The following SNX29 variants were observed in gnomAD, a reference collection of about 807,000 sequenced individuals.
SNX29 encodes sorting nexin 29, also known as sorting nexin-29.
SNX29 carries 78 observed loss-of-function variants against 102.1 expected under a neutral mutation model. The ratio of observed to expected loss-of-function variants is 0.76; its 90% CI spans 0.64 to 0.92. The LOEUF is 0.92. Ranked by LOEUF, SNX29 falls within the 40% of genes least tolerant of loss-of-function variation. SNX29 has a pLI of 0.00. For missense variants in SNX29, 1,280 were observed against 1,061.7 expected (o/e 1.21, Z -2.86); for synonymous variants, 580 against 414.5 (o/e 1.40, Z -4.85).
chr16:12,337,749 C>T (rs2081495320), intron 15 of SNX29, among the ~76,000 whole-genome samples: 1 of 152,166 alleles, frequency 6.6e-6, no homozygotes. Flanking sequence ...GGCGTGGTTT[C>T]CCTGGCCGAG....
chr16:12,552,119 T>G (rs958274866), intron 20 of SNX29, among the ~76,000 whole-genome samples: 2 of 152,184 alleles, frequency 1.3e-5, no homozygotes, highest in African/African-American at 4.8e-5. Flanking sequence ...CCATGGCTGA[T>G]ACGGAAATGC....
At position 12,436,254 on chromosome 16, in the gene SNX29, A is replaced by G. The variant is rs374615998; in HGVS notation, c.2037+32725A>G. Among the ~76,000 whole-genome samples, 5 of 152,288 alleles carry G rather than the reference A, an allele frequency of 3.3e-5. No homozygotes were observed. The East Asian group carries it at 9.7e-4, about 29-fold the overall frequency. ...CGCCTCCTCCCTGGGCCCAGGCATC[A>G]GGCGCTGGCTCTCCACAGGAGGCCG... On this transcript the variant is annotated intron_variant, in intron 18 of 20. Transcript: ENST00000566228.
chr16:12,293,924 CTG>C (rs1316775636), intron 15 of SNX29, among the ~76,000 whole-genome samples: 2 of 152,200 alleles, frequency 1.3e-5, no homozygotes, highest in African/African-American at 4.8e-5. Context: ...TATAGCTACT[CTG>C]TGTGGCGGTA....
At position 12,328,263 on chromosome 16, in the gene SNX29, C is replaced by T. The variant is rs149886299; in HGVS notation, c.1783-27900C>T. Among the ~76,000 whole-genome samples the T allele has an allele frequency of 8.2e-3, 1,256 of 152,300 alleles. 20 individuals are homozygous for T. The highest frequency in any genetic ancestry group is 0.028 in the African/African-American group (1,152 of 41,578). On this transcript the variant is annotated intron_variant, in intron 15 of 20. Transcript: ENST00000566228. ...TACTACTGTTTGTATTACCCTCAGCCAGCGATGTTTCTAGCTTGTTGATAT... is the reference window on the plus strand; with the variant it reads ...TACTACTGTTTGTATTACCCTCAGCTAGCGATGTTTCTAGCTTGTTGATAT...
At chr16:12,140,529 G>T (rs2054833248) in intron 13 of SNX29, among the ~76,000 whole-genome samples, 1 of 152,328 alleles carries the variant, frequency 6.6e-6, no homozygotes, top group South Asian at 2.1e-4. Flanking sequence ...ATCAGATTGG[G>T]GGTGCATGCG....
At chr16:12,029,106 G>A (rs1203987881) in intron 4 of SNX29, among the ~76,000 whole-genome samples, 1 of 149,368 alleles carries the variant, frequency 6.7e-6, no homozygotes, top group East Asian at 1.9e-4. Flanking sequence ...ACAGATGTTT[G>A]CTTTTTTTTT....
chr16:12,470,168 C>A (rs2087266195), intron 18 of SNX29, among the ~76,000 whole-genome samples: 1 of 152,204 alleles, frequency 6.6e-6, no homozygotes, highest in South Asian at 2.1e-4. Flanking sequence ...TTGAATATTA[C>A]AACATGCAGA....
In SNX29 at chr16:12,570,641, A is replaced by T. The variant is rs975982119; in HGVS notation, c.*2012A>T. The T allele has an allele frequency of 1.9e-4, 44 of 231,832 alleles. No individual in the cohort carries two copies. The highest frequency in any genetic ancestry group is 9.3e-4 in the African/African-American group (42 of 45,226). The allele number at this position is 231,832 out of a possible 1,614,324, so 14.4% of individuals were successfully genotyped here. A position where few individuals can be genotyped will look rare whatever the true frequency, so the allele number is the denominator to read the frequency against. Reference sequence around the variant, plus strand: ...TCTGTTGGATAAAGGAACCTCCCCCATCTGTGACATTCCCTTGGGCCCAGG... The same window carrying T: ...TCTGTTGGATAAAGGAACCTCCCCCTTCTGTGACATTCCCTTGGGCCCAGG... On this transcript the variant is annotated 3_prime_UTR_variant, in exon 21 of 21. Transcript: ENST00000566228.
chr16:12,400,707 G>A (rs914465383), intron 17 of SNX29, among the ~76,000 whole-genome samples: 1 of 152,166 alleles, frequency 6.6e-6, no homozygotes, highest in Non-Finnish European at 1.5e-5. Flanking sequence ...ACAACTATTG[G>A]CATATATACA....
chr16:12,210,824 G>A (rs1436562021), intron 14 of SNX29, among the ~76,000 whole-genome samples: 1 of 151,110 alleles, frequency 6.6e-6, no homozygotes, highest in African/African-American at 2.4e-5. Context: ...GGTCTATTTT[G>A]TATTTGTTTG....
At chr16:12,079,743 T>C (rs1214549430) in intron 11 of SNX29, among the ~76,000 whole-genome samples, 1 of 152,206 alleles carries the variant, frequency 6.6e-6, no homozygotes, top group African/African-American at 2.4e-5. Context: ...CTGGGGCTGG[T>C]ATGTGGCTCC....
rs908566505 is a variant in SNX29, at chr16:12,572,770, A to G, written c.*4141A>G. The G allele has an allele frequency of 9.4e-7, 1 of 1,063,730 alleles. No homozygotes were observed. Among genetic ancestry groups the G allele is most frequent in the Non-Finnish European group, 1.1e-6 (1 of 878,252 alleles). The allele number at this position is 1,063,730 out of a possible 1,614,324, so 65.9% of individuals were successfully genotyped here. Reference sequence around the variant, plus strand: ...GTTTTCAGCTTCTGGGACCCGAGGAAGACCCCACCTCACTCCTCCTTCCCC... The same window carrying G: ...GTTTTCAGCTTCTGGGACCCGAGGAGGACCCCACCTCACTCCTCCTTCCCC... On this transcript the variant is annotated 3_prime_UTR_variant, in exon 21 of 21. Transcript: ENST00000566228.
intron 20 of SNX29, among the ~76,000 whole-genome samples, chr16:12,547,495 T>G (rs879544078): frequency 6.6e-6 from 1 of 152,088 alleles, no homozygotes; most frequent in African/African-American, 2.4e-5. Context: ...CTACCAGAAC[T>G]TGCTGGTTTC....
chr16:12,466,969 C>G (rs1475171061), intron 18 of SNX29, among the ~76,000 whole-genome samples: 2 of 152,192 alleles, frequency 1.3e-5, no homozygotes, highest in Admixed American at 6.5e-5. Flanking sequence ...GGGTGGGCAC[C>G]TGGACCAGAA....
At chr16:12,414,623 G>C (rs1487963838) in intron 18 of SNX29, among the ~76,000 whole-genome samples, 1 of 152,170 alleles carries the variant, frequency 6.6e-6, no homozygotes, top group African/African-American at 2.4e-5. Flanking sequence ...CTCACCTGAA[G>C]GGAGATTTCT....
chr16:12,366,526 T>C (rs140774535), intron 16 of SNX29, among the ~76,000 whole-genome samples: 134 of 152,268 alleles, frequency 8.8e-4, no homozygotes, highest in African/African-American at 3.1e-3. Context: ...GGAAGTGACA[T>C]AGCGTGGCTG....
Position 12,279,920 on chromosome 16 carries a change from C to T in SNX29, c.1782+1884C>T, listed in dbSNP as rs539517423. Reference sequence around the variant, plus strand: ...GTGCTGTGGTGAGGACTCCATCAGACCAGTGCAGCTCAGTGAGGGTGCCTA... The same window carrying T: ...GTGCTGTGGTGAGGACTCCATCAGATCAGTGCAGCTCAGTGAGGGTGCCTA... On this transcript the variant is annotated intron_variant, in intron 15 of 20. Coordinates refer to ENST00000566228, the MANE Select transcript of SNX29 (RefSeq NM_032167.5). Among the ~76,000 whole-genome samples, 179 of 152,298 alleles carry T rather than the reference C, an allele frequency of 1.2e-3. 2 individuals carry two copies. The highest frequency in any genetic ancestry group is 4.1e-3 in the African/African-American group (172 of 41,560).
intron 20 of SNX29, chr16:12,527,188 G>A (rs1210295449): frequency 5.6e-6 from 3 of 533,078 alleles, no homozygotes; most frequent in Admixed American, 2.2e-5. Context: ...TTACAGGTCG[G>A]AATGTACGGA....
chr16:12,231,915 G>A (rs1383373375), intron 14 of SNX29, among the ~76,000 whole-genome samples: 2 of 152,220 alleles, frequency 1.3e-5, no homozygotes, highest in African/African-American at 4.8e-5. Context: ...TCTTTTTGGT[G>A]AATAATCAGC....
Sources: allele counts gnomAD v4.1 joint callset (sites outside exome capture counted in the v4.1 genomes callset), GRCh38; gene constraint gnomAD v4.1.1; transcripts MANE v1.5; gene names NCBI Gene and HGNC (gene_info 2026-07-23, HGNC 2026-07-21).